Variants in MTHFD2L observed in about 807,000 individuals in gnomAD.
The protein encoded by MTHFD2L is methylenetetrahydrofolate dehydrogenase (NADP+ dependent) 2 like, also known as bifunctional methylenetetrahydrofolate dehydrogenase/cyclohydrolase 2, mitochondrial.
Under a neutral mutation model 34.9 loss-of-function variants are expected in MTHFD2L, and 29 were observed. That is an observed-to-expected ratio of 0.83 (90% CI 0.62 to 1.13). MTHFD2L has a LOEUF of 1.13. Among genes scored for constraint, MTHFD2L ranks in the 50% most tolerant of loss-of-function variants. The probability of loss-of-function intolerance (pLI) is 0.00; values close to 1 mark genes in which losing one functional copy is unlikely to be tolerated. For synonymous variants in MTHFD2L, 167 were observed against 155.7 expected (o/e 1.07, Z -0.54); for missense variants, 481 against 446.5 (o/e 1.08, Z -0.70).
At chr4:74,284,051 TA>T (rs1191614876) in intron 7 of MTHFD2L, among the ~76,000 whole-genome samples, 1 of 152,236 alleles carries the variant, frequency 6.6e-6, no homozygotes, top group East Asian at 1.9e-4. Flanking sequence ...ATAGCCAAGA[TA>T]AACAAAACAG....
At chr4:74,301,117 A>G (rs1750259351) in intron 7 of MTHFD2L, among the ~76,000 whole-genome samples, 1 of 152,044 alleles carries the variant, frequency 6.6e-6, no homozygotes, top group African/African-American at 2.4e-5. Flanking sequence ...AAAAAATTAT[A>G]AGTGAAACCA....
At chr4:74,223,613 TTAAAA>T (rs1308319873) in intron 5 of MTHFD2L, among the ~76,000 whole-genome samples, 6 of 144,094 alleles carry the variant, frequency 4.2e-5, no homozygotes, top group African/African-American at 7.7e-5. Flanking sequence ...ACCCTTGAAC[TTAAAA>T]TAAAACTTAA....
At chr4:74,280,783 C>T (rs765367220) in intron 6 of MTHFD2L, among the ~76,000 whole-genome samples, 1 of 151,910 alleles carries the variant, frequency 6.6e-6, no homozygotes, top group Non-Finnish European at 1.5e-5. Flanking sequence ...GCTTACTATA[C>T]ATGACACCTT....
intron 6 of MTHFD2L, among the ~76,000 whole-genome samples, chr4:74,270,053 A>C (rs1351196457): frequency 6.6e-6 from 1 of 152,162 alleles, no homozygotes; most frequent in Non-Finnish European, 1.5e-5. Context: ...ATGAATCTGT[A>C]TCCCTACACA....
intron 6 of MTHFD2L, among the ~76,000 whole-genome samples, chr4:74,226,460 A>G (rs1020312758): frequency 1.3e-5 from 2 of 152,180 alleles, no homozygotes; most frequent in African/African-American, 2.4e-5. Flanking sequence ...GCTTTATGGA[A>G]TATATGTATA....
intron 3 of MTHFD2L, among the ~76,000 whole-genome samples, chr4:74,176,626 T>C (rs541950962): frequency 6.6e-6 from 1 of 152,074 alleles, no homozygotes; most frequent in Non-Finnish European, 1.5e-5. Context: ...CTGATCATCA[T>C]CTCATCTGTT....
intron 6 of MTHFD2L, among the ~76,000 whole-genome samples, chr4:74,247,260 T>A (rs947877625): frequency 6.6e-6 from 1 of 151,958 alleles, no homozygotes; most frequent in Non-Finnish European, 1.5e-5. Flanking sequence ...GGGAGTTCAC[T>A]CATGATTTGG....
chr4:74,166,850 C>T (rs965409991), intron 1 of MTHFD2L, among the ~76,000 whole-genome samples: 1 of 152,170 alleles, frequency 6.6e-6, no homozygotes, highest in African/African-American at 2.4e-5. Context: ...CAAGCCTATC[C>T]CCAGGGACCC....
intron 7 of MTHFD2L, among the ~76,000 whole-genome samples, chr4:74,295,685 A>G (rs544391819): frequency 2.2e-4 from 34 of 152,256 alleles, no homozygotes; most frequent in African/African-American, 7.9e-4. Flanking sequence ...GAGCCTCTAC[A>G]TAACCAGACA....
At chr4:74,175,028 T>G (rs936687902) in intron 2 of MTHFD2L, among the ~76,000 whole-genome samples, 3 of 152,160 alleles carry the variant, frequency 2.0e-5, no homozygotes, top group African/African-American at 7.2e-5. Flanking sequence ...GGTAGTGATA[T>G]TTTTATTCTC....
chr4:74,219,168 C>T (rs1737720167), intron 5 of MTHFD2L, among the ~76,000 whole-genome samples: 2 of 152,106 alleles, frequency 1.3e-5, no homozygotes, highest in African/African-American at 4.8e-5. Flanking sequence ...ATTTTAGTAT[C>T]TGCCAGTGCG....
At chr4:74,184,217 A>G (rs906002591) in intron 3 of MTHFD2L, among the ~76,000 whole-genome samples, 2 of 152,224 alleles carry the variant, frequency 1.3e-5, no homozygotes, top group African/African-American at 4.8e-5. Flanking sequence ...AAATAATCCA[A>G]TTAAACATCA....
intron 5 of MTHFD2L, among the ~76,000 whole-genome samples, chr4:74,223,211 A>G (rs1054739237): frequency 2.0e-5 from 3 of 151,952 alleles, no homozygotes; most frequent in Admixed American, 6.6e-5. Flanking sequence ...GATAAAGAAA[A>G]TGTGGTGTGT....
intron 5 of MTHFD2L, among the ~76,000 whole-genome samples, chr4:74,224,585 C>G (rs895051757): frequency 5.9e-5 from 9 of 152,154 alleles, no homozygotes; most frequent in Non-Finnish European, 8.8e-5. Context: ...TTCCCTCACT[C>G]TCCTTTCATG....
At chr4:74,295,955 G>A (rs1749580613) in intron 7 of MTHFD2L, among the ~76,000 whole-genome samples, 1 of 152,158 alleles carries the variant, frequency 6.6e-6, no homozygotes, top group Admixed American at 6.6e-5. Context: ...TCACAGTGCA[G>A]CACAAATTTC....
intron 5 of MTHFD2L, among the ~76,000 whole-genome samples, chr4:74,204,990 G>C (rs1289783812): frequency 6.6e-6 from 1 of 152,116 alleles, no homozygotes. Context: ...TGGAATAAAA[G>C]TAGAATAAGT....
At chr4:74,258,388 TAAC>T (rs983165020) in intron 6 of MTHFD2L, among the ~76,000 whole-genome samples, 2 of 149,960 alleles carry the variant, frequency 1.3e-5, no homozygotes, top group African/African-American at 2.5e-5. Flanking sequence ...GATAGGCACA[TAAC>T]ACACACACAC....
chr4:74,190,460 C>T (rs1732273992), intron 3 of MTHFD2L: 1 of 985,272 alleles, frequency 1.0e-6, no homozygotes. Flanking sequence ...GTTTTCGTGG[C>T]TGTAGGAGAG....
chr4:74,260,222 G>A (rs1190937448), intron 6 of MTHFD2L, among the ~76,000 whole-genome samples: 1 of 152,150 alleles, frequency 6.6e-6, no homozygotes, highest in African/African-American at 2.4e-5. Flanking sequence ...CACTTCTCTT[G>A]GAGCCAGTTG....
Sources: allele counts gnomAD v4.1 joint callset (sites outside exome capture counted in the v4.1 genomes callset), GRCh38; gene constraint gnomAD v4.1.1; transcripts MANE v1.5; gene names NCBI Gene and HGNC (gene_info 2026-07-23, HGNC 2026-07-21).